The following KRABD1 variants were observed in gnomAD, a reference collection of about 807,000 sequenced individuals.
The protein encoded by KRABD1 is KRAB domain containing 1.
At chr3:42,940,039 T>G in the KRABD1 span, among the ~76,000 whole-genome samples, 2 of 152,336 alleles carry the variant, frequency 1.3e-5, no homozygotes, top group Non-Finnish European at 1.5e-5. Flanking sequence ...CAGTTTGTTT[T>G]GTATAAGAAA....
chr3:42,937,813 T>A, the KRABD1 span: 2 of 152,034 alleles, frequency 1.3e-5, no homozygotes, highest in African/African-American at 2.4e-5. Context: ...CTAAGAAGAG[T>A]CATTGGAGGG....
chr3:42,938,634 C>T, the KRABD1 span: 1 of 350,124 alleles, frequency 2.9e-6, no homozygotes, highest in African/African-American at 2.0e-5. Context: ...TTATAGTTTT[C>T]TCAGTCCACT....
At chr3:42,938,966 T>C in the KRABD1 span, 1 of 1,485,864 alleles carries the variant, frequency 6.7e-7, no homozygotes, top group Non-Finnish European at 9.1e-7. Flanking sequence ...TACATATCCC[T>C]GTGTGTATAT....
At chr3:42,938,699 G>T in the KRABD1 span, 1 of 435,572 alleles carries the variant, frequency 2.3e-6, no homozygotes, top group Admixed American at 3.3e-5. Context: ...TTCTCTGTAT[G>T]CCTGCTATCT....
chr3:42,942,186 C>T, the KRABD1 span: 21 of 731,944 alleles, frequency 2.9e-5, no homozygotes, highest in Admixed American at 2.2e-4. Context: ...CTGGGATCCT[C>T]GATCACATTT....
At chr3:42,941,436 A>G in the KRABD1 span, 1 of 1,392,154 alleles carries the variant, frequency 7.2e-7, no homozygotes, top group South Asian at 1.5e-5. Flanking sequence ...CCAAATAGCG[A>G]TGTCAAAGGT....
chr3:42,942,747 A>G, the KRABD1 span: 1 of 414,818 alleles, frequency 2.4e-6, no homozygotes. Context: ...AGACTGGTAG[A>G]TTTAATGTTT....
the KRABD1 span, among the ~76,000 whole-genome samples, chr3:42,940,763 A>G: frequency 2.0e-5 from 3 of 152,174 alleles, no homozygotes; most frequent in African/African-American, 7.2e-5. Flanking sequence ...GGGCAAGGAG[A>G]TAGGCAAGAA....
At chr3:42,939,306 A>T in the KRABD1 span, among the ~76,000 whole-genome samples, 1 of 152,228 alleles carries the variant, frequency 6.6e-6, no homozygotes, top group Admixed American at 6.5e-5. Context: ...AACTTCGTAT[A>T]AGTGGAATCA....
the KRABD1 span, among the ~76,000 whole-genome samples, chr3:42,941,658 C>T: frequency 1.3e-5 from 2 of 151,978 alleles, no homozygotes; most frequent in Non-Finnish European, 2.9e-5. Flanking sequence ...GGAGTTACTC[C>T]TAGGAGCCAT....
the KRABD1 span, among the ~76,000 whole-genome samples, chr3:42,939,474 G>A: frequency 1.3e-5 from 2 of 152,080 alleles, no homozygotes; most frequent in African/African-American, 4.8e-5. Flanking sequence ...TATTGTGGAT[G>A]GACTTTTGGT....
chr3:42,939,108 A>G, the KRABD1 span, among the ~76,000 whole-genome samples: 11 of 152,318 alleles, frequency 7.2e-5, no homozygotes, highest in East Asian at 1.7e-3. Flanking sequence ...ACACAACACA[A>G]GTCTTAACAG....
the KRABD1 span, chr3:42,942,414 C>T: frequency 2.3e-6 from 1 of 425,738 alleles, no homozygotes; most frequent in African/African-American, 2.0e-5. Context: ...GTTCACTGAC[C>T]AACAGAACAA....
chr3:42,941,386 C>G, the KRABD1 span: 1 of 1,543,544 alleles, frequency 6.5e-7, no homozygotes, highest in Non-Finnish European at 8.7e-7. Context: ...TCTGCTTGGG[C>G]CCTCAGGTTG....
chr3:42,942,202 G>T, the KRABD1 span: 1 of 680,730 alleles, frequency 1.5e-6, no homozygotes. Flanking sequence ...CATTTTTTCT[G>T]ACCGGTGTGT....
the KRABD1 span, among the ~76,000 whole-genome samples, chr3:42,941,028 T>C: frequency 6.6e-6 from 1 of 152,202 alleles, no homozygotes; most frequent in Non-Finnish European, 1.5e-5. Flanking sequence ...TGGGAAAATA[T>C]GCTGAACTCT....
At chr3:42,939,097 TACACA>T in the KRABD1 span, among the ~76,000 whole-genome samples, 40 of 152,302 alleles carry the variant, frequency 2.6e-4, no homozygotes, top group African/African-American at 7.7e-4. Flanking sequence ...AGGTTTAACT[TACACA>T]ACACAAGTCT....
chr3:42,939,650 A>G, the KRABD1 span, among the ~76,000 whole-genome samples: 1 of 152,144 alleles, frequency 6.6e-6, no homozygotes, highest in Admixed American at 6.5e-5. Context: ...CAATTTTCCA[A>G]AATGATTATT....
the KRABD1 span, among the ~76,000 whole-genome samples, chr3:42,942,243 A>G: frequency 6.6e-6 from 1 of 152,170 alleles, no homozygotes; most frequent in African/African-American, 2.4e-5. Flanking sequence ...TTTAAAGCGT[A>G]GTACACAACA....
Sources: gnomAD v4.1 joint callset for allele counts (sites outside exome capture counted in the v4.1 genomes callset) on GRCh38, gnomAD v4.1.1 for gene constraint, MANE v1.5 for transcripts, NCBI Gene and HGNC (gene_info 2026-07-23, HGNC 2026-07-21) for gene names.